The following DPY19L1 variants were observed in gnomAD, a reference collection of about 807,000 sequenced individuals.
DPY19L1 encodes the protein protein C-mannosyl-transferase DPY19L1.
Under a neutral mutation model 96.9 loss-of-function variants are expected in DPY19L1, and 35 were observed. The observed-to-expected ratio is 0.36, with a 90% CI of 0.28 to 0.48. The LOEUF (loss-of-function observed/expected upper bound fraction) is 0.48. DPY19L1 is among the 20% of genes least tolerant of loss of function. DPY19L1 has a pLI of 0.99. For synonymous variants in DPY19L1, 205 were observed against 252.6 expected, an observed-to-expected ratio of 0.81 and a Z score of 1.79; for missense variants, 521 against 777.9, an observed-to-expected ratio of 0.67 and a Z score of 3.93.
In DPY19L1 at chr7:34,989,880, C is replaced by G; in HGVS notation, c.822+4G>C. Reference sequence around the variant, plus strand: ...AATTCTGAGAATAGTTTTTGATTACCTACCTCTCCATGATTGAAAAAGAAG... The same window carrying G: ...AATTCTGAGAATAGTTTTTGATTACGTACCTCTCCATGATTGAAAAAGAAG... On this transcript the variant is annotated splice_donor_region_variant and intron_variant, in intron 7 of 21. Coordinates refer to ENST00000638088, the MANE Select transcript of DPY19L1 (RefSeq NM_001366673.1). 6 of 1,586,040 alleles carry G rather than the reference C, an allele frequency of 3.8e-6. No homozygotes were observed. The highest frequency in any genetic ancestry group is 5.1e-6 in the Non-Finnish European group (6 of 1,169,748).
chr7:34,933,183 T>G (rs1299796284), intron 21 of DPY19L1, among the ~76,000 whole-genome samples: 1 of 151,990 alleles, frequency 6.6e-6, no homozygotes, highest in Non-Finnish European at 1.5e-5. Context: ...AAACAAGTGG[T>G]TTTTGGTTAC....
intron 13 of DPY19L1, among the ~76,000 whole-genome samples, chr7:34,952,384 T>C (rs1458736779): frequency 6.6e-6 from 1 of 152,124 alleles, no homozygotes; most frequent in East Asian, 1.9e-4. Context: ...CCTAATGAAA[T>C]TGAATTTGTA....
At chr7:34,982,737 A>C (rs1219242724) in intron 7 of DPY19L1, among the ~76,000 whole-genome samples, 2 of 152,208 alleles carry the variant, frequency 1.3e-5, no homozygotes, top group Admixed American at 1.3e-4. Flanking sequence ...AAACACAAAA[A>C]TGAGTATTTG....
intron 7 of DPY19L1, among the ~76,000 whole-genome samples, chr7:34,987,189 A>G (rs1302822504): frequency 1.3e-5 from 2 of 152,092 alleles, no homozygotes; most frequent in East Asian, 3.8e-4. Flanking sequence ...AAGGCAAAAC[A>G]AAATTGCTAG....
chr7:35,031,959 GT>G (rs1786270577), intron 1 of DPY19L1, among the ~76,000 whole-genome samples: 1 of 152,180 alleles, frequency 6.6e-6, no homozygotes, highest in Non-Finnish European at 1.5e-5. Context: ...CTGGTGCTCA[GT>G]TGGGTCTATG....
chr7:34,996,253 A>T (rs1018903013), intron 6 of DPY19L1, among the ~76,000 whole-genome samples: 1 of 152,126 alleles, frequency 6.6e-6, no homozygotes, highest in Non-Finnish European at 1.5e-5. Flanking sequence ...CAAACACACC[A>T]CACCTCATGT....
chr7:34,954,030 G>A (rs1175077178), intron 13 of DPY19L1, among the ~76,000 whole-genome samples: 1 of 151,938 alleles, frequency 6.6e-6, no homozygotes, highest in Non-Finnish European at 1.5e-5. Flanking sequence ...ATACACTATA[G>A]GAAAAAAATA....
intron 15 of DPY19L1, among the ~76,000 whole-genome samples, chr7:34,946,786 T>C (rs1256208412): frequency 6.6e-6 from 1 of 152,226 alleles, no homozygotes; most frequent in Non-Finnish European, 1.5e-5. Context: ...CCTAACAACA[T>C]CTTTGATCTT....
rs1783699519 is a variant in DPY19L1, at chr7:34,929,275, G to A, written c.*2298C>T. The A allele has an allele frequency of 6.6e-6, 1 of 152,230 alleles. No individual in the cohort carries two copies. Among genetic ancestry groups the A allele is most frequent in the South Asian group, 2.1e-4 (1 of 4,832 alleles). 9.4% of individuals were successfully genotyped at this position (152,230 alleles called of 1,614,324 possible). A position where few individuals can be genotyped will look rare whatever the true frequency, so the allele number is the denominator to read the frequency against. On this transcript the variant is annotated 3_prime_UTR_variant, in exon 22 of 22. Coordinates refer to ENST00000638088, the MANE Select transcript of DPY19L1 (RefSeq NM_001366673.1). ...CTGCATTGCCATCAAAGGTGTGGAT[G>A]CTCCACAGTGCTTGGGCTGCGAGCT...
At chr7:34,931,877 G>T in intron 21 of DPY19L1, 148 bp from the exon 22 acceptor site, 1 of 1,259,104 alleles carries the variant, frequency 7.9e-7, no homozygotes. Context: ...AGCTATTTAT[G>T]TTTTTATAAG....
intron 7 of DPY19L1, among the ~76,000 whole-genome samples, chr7:34,982,876 C>T (rs188255380): frequency 7.6e-4 from 115 of 152,226 alleles, no homozygotes; most frequent in African/African-American, 2.6e-3. Flanking sequence ...CATTTGGTTT[C>T]GGGGCCTTGG....
intron 10 of DPY19L1, among the ~76,000 whole-genome samples, chr7:34,964,224 A>C (rs1584222748): frequency 1.3e-5 from 2 of 152,216 alleles, no homozygotes; most frequent in African/African-American, 4.8e-5. Context: ...GAAAACAGTA[A>C]GTCATATAAT....
rs1197663579 is a variant in DPY19L1 at position 34,931,275 on chromosome 7, C to T, written c.*298G>A. The T allele has an allele frequency of 3.4e-5, 7 of 204,030 alleles. No homozygotes were observed. The highest frequency in any genetic ancestry group is 1.9e-5 in the Non-Finnish European group (2 of 103,244). 12.6% of individuals were successfully genotyped at this position (204,030 alleles called of 1,614,324 possible). ...ATTTTCATGTCATCCTTGTCACAAC[C>T]CACTGTGTTTTCTTTATACAGGTAG... On this transcript the variant is annotated 3_prime_UTR_variant, in exon 22 of 22. Coordinates refer to ENST00000638088, the MANE Select transcript of DPY19L1 (RefSeq NM_001366673.1).
chr7:35,032,936 T>G (rs1786295650), intron 1 of DPY19L1, among the ~76,000 whole-genome samples: 1 of 152,180 alleles, frequency 6.6e-6, no homozygotes, highest in Non-Finnish European at 1.5e-5. Flanking sequence ...AGCAACCCTC[T>G]TGCTAGGTCC....
At chr7:35,013,068 T>A (rs1394769354) in intron 4 of DPY19L1, among the ~76,000 whole-genome samples, 1 of 152,200 alleles carries the variant, frequency 6.6e-6, no homozygotes, top group Non-Finnish European at 1.5e-5. Context: ...TAGTTCAATA[T>A]CTATCTGGAA....
intron 7 of DPY19L1, among the ~76,000 whole-genome samples, chr7:34,974,702 C>A (rs1365725212): frequency 6.6e-6 from 1 of 152,118 alleles, no homozygotes; most frequent in Non-Finnish European, 1.5e-5. Context: ...GATACATGGG[C>A]AAACTACATT....
intron 6 of DPY19L1, among the ~76,000 whole-genome samples, chr7:34,995,480 G>C (rs181301042): frequency 5.2e-4 from 79 of 152,082 alleles, no homozygotes; most frequent in African/African-American, 1.7e-3. Flanking sequence ...AAAATGAAGG[G>C]ATAATAAAAA....
intron 6 of DPY19L1, among the ~76,000 whole-genome samples, chr7:34,992,796 C>A (rs1295215757): frequency 6.6e-6 from 1 of 151,312 alleles, no homozygotes; most frequent in Non-Finnish European, 1.5e-5. Context: ...TTATTATACT[C>A]TCTGTAAAAA....
intron 1 of DPY19L1, among the ~76,000 whole-genome samples, chr7:35,020,034 G>C (rs1346869754): frequency 2.0e-5 from 3 of 152,126 alleles, no homozygotes; most frequent in Admixed American, 1.3e-4. Flanking sequence ...CAGGAAGGCT[G>C]AGCTGGGAGG....
Sources: gnomAD v4.1 joint callset for allele counts (sites outside exome capture counted in the v4.1 genomes callset) on GRCh38, gnomAD v4.1.1 for gene constraint, MANE v1.5 for transcripts, NCBI Gene and HGNC (gene_info 2026-07-23, HGNC 2026-07-21) for gene names.